The following FAAH2 variants were observed in gnomAD, a reference collection of about 807,000 sequenced individuals.
FAAH2 encodes fatty-acid amide hydrolase 2.
FAAH2 carries 60 observed loss-of-function variants against 36.9 expected under a neutral mutation model. The observed-to-expected ratio is 1.63, with a 90% CI of 1.32 to 2.02. The LOEUF (loss-of-function observed/expected upper bound fraction) is 2.02, where lower values mean the gene tolerates loss of function less well. FAAH2 is among the 30% of genes most tolerant of loss of function. The pLI is 0.00. For missense variants in FAAH2, 689 were observed against 397.5 expected (o/e 1.73, Z -6.23); for synonymous variants, 214 against 143.8 (o/e 1.49, Z -3.49).
intron 5 of FAAH2, among the ~76,000 whole-genome samples, chrX:57,378,045 T>C (rs1482643746): frequency 9.0e-6 from 1 of 111,399 alleles, no homozygotes. Context: ...GGCTGAGAGA[T>C]TGTAGGTGAT....
the FAAH2 span, among the ~76,000 whole-genome samples, chrX:57,271,148 G>A: frequency 1.7e-3 from 191 of 112,412 alleles, 1 homozygote; most frequent in African/African-American, 6.0e-3. Flanking sequence ...CTTGGTGGAG[G>A]GAGGGGCATC....
chrX:57,419,993 G>T (rs5914102), intron 7 of FAAH2, among the ~76,000 whole-genome samples: 59,136 of 110,248 alleles, frequency 0.54, 13,836 homozygotes, highest in Non-Finnish European at 0.73. Flanking sequence ...CCCCATTTCT[G>T]GTTTTTCTCA....
chrX:57,325,716 A>T (rs1281642699), intron 3 of FAAH2, among the ~76,000 whole-genome samples: 1 of 73,398 alleles, frequency 1.4e-5, no homozygotes, highest in Non-Finnish European at 2.5e-5. Flanking sequence ...CGTCTAATTG[A>T]TTATTCTCTT....
chrX:57,251,652 C>A, the FAAH2 span, among the ~76,000 whole-genome samples: 1 of 111,834 alleles, frequency 8.9e-6, no homozygotes, highest in African/African-American at 3.3e-5. Context: ...AGCTGCTGAA[C>A]AAAAAATCAG....
the FAAH2 span, among the ~76,000 whole-genome samples, chrX:57,152,837 G>T: frequency 9.0e-6 from 1 of 111,302 alleles, no homozygotes; most frequent in South Asian, 3.9e-4. Flanking sequence ...TGGAAATGCA[G>T]AAATCACCTG....
At chrX:57,332,267 T>A (rs184311749) in intron 4 of FAAH2, among the ~76,000 whole-genome samples, 42 of 112,330 alleles carry the variant, frequency 3.7e-4, no homozygotes, top group Admixed American at 3.5e-3. Context: ...TAAGTCAGTT[T>A]TCTTTGCTTG....
In FAAH2 at chrX:57,374,558, C is replaced by A. The variant is rs767830488; in HGVS notation, c.743-4093C>A. On this transcript the variant is annotated intron_variant, in intron 5 of 10. Transcript: ENST00000374900. ...GCTGCTGATTTGTGTACATTAATTT[C>A]GTATCCTGAAACTTTGCTGAACTCA... 7.2e-5 allele frequency among the ~76,000 whole-genome samples: 8 copies of A among 111,865 alleles called. No homozygotes were observed. The South Asian group carries it at 1.5e-3, about 21-fold the overall frequency.
intron 8 of FAAH2, among the ~76,000 whole-genome samples, chrX:57,432,672 A>G (rs1281779807): frequency 9.0e-6 from 1 of 111,435 alleles, no homozygotes; most frequent in Non-Finnish European, 1.9e-5. Flanking sequence ...CACTTTGAGA[A>G]CTATAAGATA....
chrX:57,134,432 G>A, the FAAH2 span: 45 of 111,167 alleles, frequency 4.0e-4, no homozygotes, highest in African/African-American at 1.4e-3. Flanking sequence ...GTGGCTTCTT[G>A]GGACAGCAGG....
the FAAH2 span, among the ~76,000 whole-genome samples, chrX:57,167,837 C>A: frequency 9.0e-6 from 1 of 111,430 alleles, no homozygotes; most frequent in African/African-American, 3.3e-5. Flanking sequence ...CCCAGTGACA[C>A]CAACTTTTCA....
intron 7 of FAAH2, among the ~76,000 whole-genome samples, chrX:57,426,703 G>A (rs932968260): frequency 3.6e-5 from 4 of 111,494 alleles, no homozygotes; most frequent in African/African-American, 1.3e-4. Context: ...TGAAACAAAT[G>A]AAAATGGAAA....
chrX:57,199,532 G>A, the FAAH2 span, among the ~76,000 whole-genome samples: 1 of 111,482 alleles, frequency 9.0e-6, no homozygotes, highest in Non-Finnish European at 1.9e-5. Flanking sequence ...CTCACATGCT[G>A]AAGAACAGTA....
At chrX:57,264,477 A>G in the FAAH2 span, among the ~76,000 whole-genome samples, 1 of 112,703 alleles carries the variant, frequency 8.9e-6, no homozygotes, top group Non-Finnish European at 1.9e-5. Flanking sequence ...CAAAACCACA[A>G]TGAGATACCA....
the FAAH2 span, among the ~76,000 whole-genome samples, chrX:57,269,680 A>G: frequency 1.8e-5 from 2 of 112,025 alleles, no homozygotes; most frequent in African/African-American, 6.5e-5. Flanking sequence ...GAAACTAATG[A>G]GAACAAAAAT....
chrX:57,305,750 G>T (rs1450438021), intron 2 of FAAH2, among the ~76,000 whole-genome samples: 1 of 111,093 alleles, frequency 9.0e-6, no homozygotes, highest in Non-Finnish European at 1.9e-5. Flanking sequence ...CTCCACTTGG[G>T]TATTTTTGCC....
At chrX:57,444,421 T>C (rs1350383297) in intron 8 of FAAH2, among the ~76,000 whole-genome samples, 1 of 112,215 alleles carries the variant, frequency 8.9e-6, no homozygotes, top group African/African-American at 3.2e-5. Flanking sequence ...GCACAGGATA[T>C]GATTTCCTGG....
intron 5 of FAAH2, among the ~76,000 whole-genome samples, chrX:57,353,495 A>AAAG (rs1296194760): frequency 4.7e-5 from 5 of 106,989 alleles, no homozygotes; most frequent in South Asian, 4.0e-4. Context: ...ATTAAAAAAA[A>AAAG]AAAAAGAAAA....
the FAAH2 span, among the ~76,000 whole-genome samples, chrX:57,139,533 G>T: frequency 3.6e-5 from 4 of 110,948 alleles, no homozygotes; most frequent in Non-Finnish European, 5.7e-5. Flanking sequence ...GGCTCACTGC[G>T]AGCTCCTTCT....
chrX:57,189,264 G>A, the FAAH2 span, among the ~76,000 whole-genome samples: 2 of 110,065 alleles, frequency 1.8e-5, no homozygotes, highest in African/African-American at 6.6e-5. Context: ...CTCTAAACTT[G>A]TTATTATAGT....
Sources: gnomAD v4.1 joint callset for allele counts (sites outside exome capture counted in the v4.1 genomes callset) on GRCh38, gnomAD v4.1.1 for gene constraint, MANE v1.5 for transcripts, NCBI Gene and HGNC (gene_info 2026-07-23, HGNC 2026-07-21) for gene names.